GRIN2A: variants seen among roughly 807,000 people sequenced by gnomAD.
GRIN2A encodes glutamate ionotropic receptor NMDA type subunit 2A.
A neutral mutation model predicts 113.4 loss-of-function variants in GRIN2A; 22 were observed. That is an observed-to-expected ratio of 0.19 (90% CI 0.14 to 0.28). The LOEUF (loss-of-function observed/expected upper bound fraction) is 0.28. Ranked by LOEUF, GRIN2A falls within the 10% of genes least tolerant of loss-of-function variation. The probability of loss-of-function intolerance (pLI) is 1.00; values close to 1 mark genes in which losing one functional copy is unlikely to be tolerated. For missense variants in GRIN2A, 1,502 were observed against 1,887.0 expected, an observed-to-expected ratio of 0.80 and a Z score of 3.78; for synonymous variants, 827 against 738.4, an observed-to-expected ratio of 1.12 and a Z score of -1.94.
chr16:10,054,815 A>G (rs765607757), intron 2 of GRIN2A, among the ~76,000 whole-genome samples: 1 of 152,020 alleles, frequency 6.6e-6, no homozygotes, highest in Non-Finnish European at 1.5e-5. Context: ...TGGGAGGCCG[A>G]GGTGGGCGGA....
intron 10 of GRIN2A, among the ~76,000 whole-genome samples, chr16:9,819,869 A>G (rs2042247807): frequency 7.3e-6 from 1 of 136,978 alleles, no homozygotes; most frequent in Non-Finnish European, 1.5e-5. Context: ...TGCAGCGGGG[A>G]GAGACTGCAC....
intron 2 of GRIN2A, among the ~76,000 whole-genome samples, chr16:10,056,096 T>G (rs2047453157): frequency 6.6e-6 from 1 of 152,210 alleles, no homozygotes; most frequent in Non-Finnish European, 1.5e-5. Context: ...CATTTCTGAA[T>G]GCAGAGAAAA....
At chr16:10,019,941 C>A (rs765866443) in intron 2 of GRIN2A, among the ~76,000 whole-genome samples, 1 of 152,328 alleles carries the variant, frequency 6.6e-6, no homozygotes, top group Middle Eastern at 3.4e-3. Flanking sequence ...ACCACATACA[C>A]AGACACCCAA....
chr16:10,102,445 A>G (rs762396728), intron 2 of GRIN2A, among the ~76,000 whole-genome samples: 1 of 152,306 alleles, frequency 6.6e-6, no homozygotes, highest in Admixed American at 6.5e-5. Flanking sequence ...AGCCAGCACC[A>G]TGCTTCCTGT....
intron 2 of GRIN2A, among the ~76,000 whole-genome samples, chr16:10,073,012 G>T (rs1212787946): frequency 7.1e-6 from 1 of 139,878 alleles, no homozygotes; most frequent in Admixed American, 7.7e-5. Context: ...CTGGAGTACA[G>T]TGGCCCAAGC....
At chr16:9,936,195 A>T (rs2044710866) in intron 3 of GRIN2A, among the ~76,000 whole-genome samples, 1 of 152,216 alleles carries the variant, frequency 6.6e-6, no homozygotes, top group Admixed American at 6.5e-5. Context: ...AAAACTTGAA[A>T]GAAATTGCAA....
At chr16:10,003,933 C>T (rs1404695393) in intron 2 of GRIN2A, among the ~76,000 whole-genome samples, 5 of 152,124 alleles carry the variant, frequency 3.3e-5, no homozygotes, top group Non-Finnish European at 7.3e-5. Flanking sequence ...GCCTCACCTG[C>T]TCTATTTTAC....
At chr16:9,990,923 C>G (rs2046100177) in intron 2 of GRIN2A, among the ~76,000 whole-genome samples, 1 of 151,962 alleles carries the variant, frequency 6.6e-6, no homozygotes, top group African/African-American at 2.4e-5. Flanking sequence ...AAAAGTTAGC[C>G]AGGCATGGTT....
intron 2 of GRIN2A, among the ~76,000 whole-genome samples, chr16:9,983,243 A>C (rs1277785505): frequency 1.3e-5 from 2 of 152,148 alleles, no homozygotes; most frequent in African/African-American, 4.8e-5. Flanking sequence ...TGTATCCTTT[A>C]ACCAACCTGT....
Position 9,849,982 on chromosome 16 carries a change from C to G in GRIN2A, c.1123-21G>C, listed in dbSNP as rs1437200278. 2.5e-6 allele frequency: 4 copies of G among 1,600,208 alleles called. No individual in the cohort carries two copies. In the African/African-American group the frequency reaches 4.0e-5, roughly 16 times the overall value. ...CCCACCTGCAGCACAAACACAAAGA[C>G]ACAGCTGTGCTTTCTTCCGCCGCTG... On this transcript the variant is annotated intron_variant, in intron 4 of 12. Coordinates refer to ENST00000330684, the MANE Select transcript of GRIN2A (RefSeq NM_001134407.3).
intron 2 of GRIN2A, among the ~76,000 whole-genome samples, chr16:10,055,051 A>C (rs2047424384): frequency 3.3e-5 from 2 of 61,362 alleles, no homozygotes; most frequent in African/African-American, 1.5e-4. Context: ...CTATCTCAAA[A>C]AAAAAAAAAA....
chr16:9,763,499 C>G lies in GRIN2A; in HGVS notation c.4045G>C (p.Glu1349Gln), dbSNP rs1555482091. ...AGAGACTTGCTCCTCTTGCTGTCCTCCAGACCTTGGGGGAAAAGGGAGCTT... is the reference window on the plus strand; with the variant it reads ...AGAGACTTGCTCCTCTTGCTGTCCTGCAGACCTTGGGGGAAAAGGGAGCTT... ...KKSSLFPQGL[E>Q]DSKRSKSLLP... The change falls in exon 13 of 13, where the codon GAG (glutamate) becomes CAG (glutamine). Residue 1349 changes from glutamate (E) to glutamine (Q), a missense_variant. Coordinates refer to ENST00000330684, the MANE Select transcript of GRIN2A (RefSeq NM_001134407.3). 6.2e-7 allele frequency: 1 copy of G among 1,614,034 alleles called. No individual in the cohort carries two copies.
rs762196624 is a variant in GRIN2A, at chr16:9,759,186, C to T, written c.*3963G>A. 65 of 217,180 alleles carry T rather than the reference C, an allele frequency of 3.0e-4. No homozygotes were observed. Among genetic ancestry groups the T allele is most frequent in the Non-Finnish European group, 4.8e-4 (52 of 108,068 alleles). The allele number at this position is 217,180 out of a possible 1,614,324, so 13.5% of individuals were successfully genotyped here. A position where few individuals can be genotyped will look rare whatever the true frequency, so the allele number is the denominator to read the frequency against. On this transcript the variant is annotated 3_prime_UTR_variant, in exon 13 of 13. Transcript: ENST00000330684. ...ATTAGTGTTTATTTAGGTCTTAAAC[C>T]GCAAGGGATTTCAGTACAAGGTACT...
At chr16:10,103,532 C>T (rs1428953528) in intron 2 of GRIN2A, among the ~76,000 whole-genome samples, 2 of 152,158 alleles carry the variant, frequency 1.3e-5, no homozygotes, top group Non-Finnish European at 2.9e-5. Flanking sequence ...ATGGCTATGG[C>T]TCTTGAGTGT....
intron 2 of GRIN2A, among the ~76,000 whole-genome samples, chr16:10,147,669 TGTATAC>T (rs2049473860): frequency 6.8e-6 from 1 of 147,490 alleles, no homozygotes; most frequent in Admixed American, 6.8e-5. Flanking sequence ...GAAGAAGAAG[TGTATAC>T]AGGGTCCAAC....
chr16:9,980,248 G>C (rs1451783144), intron 2 of GRIN2A, among the ~76,000 whole-genome samples: 1 of 151,468 alleles, frequency 6.6e-6, no homozygotes, highest in African/African-American at 2.4e-5. Context: ...ACTCCAGCCT[G>C]GACAACAGAG....
chr16:9,791,685 C>G (rs530215840), intron 11 of GRIN2A, among the ~76,000 whole-genome samples: 2 of 152,048 alleles, frequency 1.3e-5, no homozygotes. Flanking sequence ...TATGAGAATT[C>G]TAATTAGATA....
intron 2 of GRIN2A, among the ~76,000 whole-genome samples, chr16:10,050,345 A>AGGAGGTGAGCG (rs1463757464): frequency 4.5e-4 from 68 of 152,280 alleles, no homozygotes; most frequent in African/African-American, 1.4e-3. Flanking sequence ...GCCACACAGC[A>AGGAGGTGAGCG]GGAGGTGAGC....
At chr16:9,850,479 T>C (rs1178188232) in intron 4 of GRIN2A, among the ~76,000 whole-genome samples, 1 of 152,074 alleles carries the variant, frequency 6.6e-6, no homozygotes, top group Non-Finnish European at 1.5e-5. Flanking sequence ...ACAACATAGG[T>C]ACTCCATATT....
Sources: gnomAD v4.1 joint callset for allele counts (sites outside exome capture counted in the v4.1 genomes callset) on GRCh38, gnomAD v4.1.1 for gene constraint, MANE v1.5 for transcripts, NCBI Gene and HGNC (gene_info 2026-07-23, HGNC 2026-07-21) for gene names.